Variants in TIAM1 observed in about 807,000 individuals in gnomAD.
The protein encoded by TIAM1 is rho guanine nucleotide exchange factor TIAM1.
In TIAM1, 65 loss-of-function variants were observed where a neutral mutation model predicts 163.5. The ratio of observed to expected loss-of-function variants is 0.40; its 90% CI spans 0.33 to 0.49. The LOEUF is 0.49. Ranked by LOEUF, TIAM1 falls within the 20% of genes least tolerant of loss-of-function variation. TIAM1 has a pLI of 0.77. For missense variants in TIAM1, 1,789 were observed against 2,044.7 expected (o/e 0.87, Z 2.41); for synonymous variants, 833 against 810.1 (o/e 1.03, Z -0.48).
chr21:31,401,968 A>T (rs113615630), intron 2 of TIAM1, among the ~76,000 whole-genome samples: 2 of 151,940 alleles, frequency 1.3e-5, no homozygotes, highest in Non-Finnish European at 2.9e-5. Context: ...TAATCCCAGC[A>T]CTTTGGGAGG....
At chr21:31,154,519 T>TA (rs1382337019) in intron 16 of TIAM1, 93 bp from the exon 17 acceptor site, 6 of 1,321,450 alleles carry the variant, frequency 4.5e-6, no homozygotes, top group Non-Finnish European at 6.2e-6. Flanking sequence ...TCTCCCTGGT[T>TA]AGTCAACTGT....
At chr21:31,459,821 C>G (rs1213322445) in intron 2 of TIAM1, among the ~76,000 whole-genome samples, 1 of 152,156 alleles carries the variant, frequency 6.6e-6, no homozygotes, top group Non-Finnish European at 1.5e-5. Flanking sequence ...TACTCTCTCT[C>G]ATATTTTATT....
At chr21:31,244,299 G>A (rs1049934480) in intron 6 of TIAM1, among the ~76,000 whole-genome samples, 1 of 152,094 alleles carries the variant, frequency 6.6e-6, no homozygotes, top group Non-Finnish European at 1.5e-5. Context: ...CCCCCTCCTT[G>A]CATGTTATAT....
At chr21:31,413,295 A>G (rs1182052090) in intron 2 of TIAM1, among the ~76,000 whole-genome samples, 2 of 103,354 alleles carry the variant, frequency 1.9e-5, no homozygotes, top group African/African-American at 7.8e-5. Flanking sequence ...TTTGAGACGG[A>G]GTCTCACTCT....
chr21:31,263,475 G>A (rs769839873), intron 4 of TIAM1, among the ~76,000 whole-genome samples: 1 of 152,152 alleles, frequency 6.6e-6, no homozygotes, highest in Non-Finnish European at 1.5e-5. Flanking sequence ...AATTTTAGAA[G>A]GTGACAAGCC....
chr21:31,225,472 T>C (rs1235124026), intron 7 of TIAM1, among the ~76,000 whole-genome samples: 1 of 152,132 alleles, frequency 6.6e-6, no homozygotes, highest in African/African-American at 2.4e-5. Flanking sequence ...ACATCATTGA[T>C]GGGGGCCAGG....
intron 4 of TIAM1, among the ~76,000 whole-genome samples, chr21:31,253,089 T>C (rs1313298396): frequency 6.6e-6 from 1 of 152,234 alleles, no homozygotes; most frequent in Non-Finnish European, 1.5e-5. Context: ...GAAATCAGTA[T>C]CTTAATTGCT....
intron 1 of TIAM1, among the ~76,000 whole-genome samples, chr21:31,342,128 C>CTATTGTTTAA (rs1472651498): frequency 3.2e-4 from 49 of 151,684 alleles, no homozygotes; most frequent in African/African-American, 1.1e-3. Flanking sequence ...TTTTAATGAT[C>CTATTGTTTAA]TAGTATCTAT....
At chr21:31,355,568 T>TTTAC (rs1034476961) in intron 2 of TIAM1, among the ~76,000 whole-genome samples, 25 of 141,694 alleles carry the variant, frequency 1.8e-4, no homozygotes, top group South Asian at 9.1e-4. Flanking sequence ...TATTTATTTA[T>TTTAC]TGAGAAAGAG....
intron 16 of TIAM1, among the ~76,000 whole-genome samples, chr21:31,160,153 T>C (rs1263082117): frequency 2.0e-5 from 3 of 152,100 alleles, no homozygotes; most frequent in African/African-American, 7.2e-5. Flanking sequence ...TGACCATTAA[T>C]TAAACAAAAA....
chr21:31,292,689 G>C (rs1313179835), intron 2 of TIAM1, among the ~76,000 whole-genome samples: 1 of 136,584 alleles, frequency 7.3e-6, no homozygotes, highest in East Asian at 2.2e-4. Context: ...TTTTTTTTAA[G>C]ACAAGGTCTC....
chr21:31,346,707 G>A (rs183743298), upstream of TIAM1, among the ~76,000 whole-genome samples: 4 of 152,150 alleles, frequency 2.6e-5, no homozygotes, highest in South Asian at 2.1e-4. Flanking sequence ...ACAGGAAGGC[G>A]CTTCATCTCA....
At chr21:31,462,463 CT>C (rs1476063215) in intron 2 of TIAM1, among the ~76,000 whole-genome samples, 2 of 152,204 alleles carry the variant, frequency 1.3e-5, no homozygotes, top group Non-Finnish European at 2.9e-5. Context: ...CAGGAGTATT[CT>C]TGTAAGACAA....
chr21:31,347,770 C>T (rs112499592), upstream of TIAM1, among the ~76,000 whole-genome samples: 7 of 151,798 alleles, frequency 4.6e-5, no homozygotes, highest in African/African-American at 1.7e-4. Context: ...CCCTGACACC[C>T]TTATGCACGA....
At chr21:31,474,270 G>C (rs13045986) in intron 1 of TIAM1, among the ~76,000 whole-genome samples, 1 of 152,068 alleles carries the variant, frequency 6.6e-6, no homozygotes, top group Non-Finnish European at 1.5e-5. Flanking sequence ...CATCCAAATC[G>C]TATTAGAGAA....
At chr21:31,172,624 G>T (rs1201518234) in intron 15 of TIAM1, among the ~76,000 whole-genome samples, 2 of 152,146 alleles carry the variant, frequency 1.3e-5, no homozygotes, top group East Asian at 3.9e-4. Context: ...AGAGGGCTCG[G>T]TCTAGAGAGA....
At chr21:31,445,553 C>T (rs111968746) in intron 2 of TIAM1, among the ~76,000 whole-genome samples, 32 of 152,284 alleles carry the variant, frequency 2.1e-4, no homozygotes, top group African/African-American at 7.5e-4. Context: ...GGACACAGCT[C>T]ATTGGTGACT....
intron 2 of TIAM1, among the ~76,000 whole-genome samples, chr21:31,418,340 T>TC (rs2043446679): frequency 2.3e-5 from 1 of 43,422 alleles, no homozygotes; most frequent in Non-Finnish European, 4.2e-5. Context: ...AGACTCTGTC[T>TC]CAAAAAAAAA....
At chr21:31,426,718 G>A (rs2043808138) in intron 2 of TIAM1, among the ~76,000 whole-genome samples, 1 of 152,054 alleles carries the variant, frequency 6.6e-6, no homozygotes, top group Non-Finnish European at 1.5e-5. Context: ...TTTTCATGAA[G>A]TCTGGGGTTT....
Sources: gnomAD v4.1 joint callset for allele counts (sites outside exome capture counted in the v4.1 genomes callset) on GRCh38, gnomAD v4.1.1 for gene constraint, MANE v1.5 for transcripts, NCBI Gene and HGNC (gene_info 2026-07-23, HGNC 2026-07-21) for gene names.